ACTN3: variants seen among roughly 807,000 people sequenced by gnomAD.
ACTN3 encodes the protein alpha-actinin-3.
Under a neutral mutation model 119.6 loss-of-function variants are expected in ACTN3, and 91 were observed. That is an observed-to-expected ratio of 0.76 (90% confidence interval 0.64 to 0.91). ACTN3 has a LOEUF of 0.91. Ranked by LOEUF, ACTN3 falls within the 40% of genes least tolerant of loss-of-function variation. ACTN3 has a pLI of 0.00. For synonymous variants in ACTN3, 456 were observed against 478.8 expected (o/e 0.95, Z 0.62); for missense variants, 1,221 against 1,215.1 (o/e 1.00, Z -0.07).
chr11:66,561,608 G>T lies in ACTN3; in HGVS notation c.2146G>T (p.Asp716Tyr), dbSNP rs191891560. The T allele has an allele frequency of 1.2e-6, 2 of 1,612,634 alleles. No homozygotes were observed. Among genetic ancestry groups the T allele is most frequent in the South Asian group, 2.2e-5 (2 of 90,764 alleles). The change falls in exon 17 of 21, where the codon GAC becomes TAC. Residue 716 changes from aspartate (D) to tyrosine (Y), a missense_variant. Physicochemically the swap from Asp to Tyr is radical, Grantham distance 160 (BLOSUM62 -3). This residue lies in a region of ACTN3 where 934 missense variants were observed against 899.9 expected (regional missense o/e 1.04). Coordinates refer to ENST00000513398, the MANE Select transcript of ACTN3 (RefSeq NM_001104.4). ...HQLLQESLVF[D>Y]NKHTVYSMEH... ...GCTGCTGCAGGAGAGCCTGGTGTTC[G>T]ACAATAAGCACACCGTCTACAGCAT...
rs200842599 is a variant in ACTN3, at chr11:66,558,138, C to T, written c.1240C>T (p.Arg414Trp). Reference sequence around the variant, plus strand: ...ACTCCAGCACCTGGCTGAGAAGTTCCGGCAGAAGGCCTCCCTGCACGAAGC... The same window carrying T: ...ACTCCAGCACCTGGCTGAGAAGTTCTGGCAGAAGGCCTCCCTGCACGAAGC... Reference protein sequence around the residue: ...QRLQHLAEKFRQKASLHEAWT... With the variant: ...QRLQHLAEKFWQKASLHEAWT... The change falls in exon 11 of 21, where the codon CGG becomes TGG. Residue 414 changes from arginine to tryptophan, a missense_variant. Around this residue, in one of 3 missense-constraint regions of ACTN3, gnomAD observed 934 missense variants for 899.9 expected, o/e 1.04. Coordinates refer to ENST00000513398, the MANE Select transcript of ACTN3 (RefSeq NM_001104.4). The T allele has an allele frequency of 3.9e-4, 635 of 1,613,834 alleles. 9 individuals are homozygous for T. The Middle Eastern group carries it at 0.022, about 57-fold the overall frequency.
rs771684305 is a variant in ACTN3 at position 66,558,047 on chromosome 11, G to A, written c.1149G>A (p.Arg383=). 6.8e-6 allele frequency: 11 copies of A among 1,613,776 alleles called. No homozygotes were observed. In the Admixed American group the frequency reaches 1.3e-4, roughly 20 times the overall value. The change falls in exon 11 of 21, where the codon CGG becomes CGA. Residue 383 remains arginine, a synonymous_variant. Transcript: ENST00000513398. ...KLVSDIANAW[R]GLEQVEKGYE... ...CACAGGACATCGCCAACGCCTGGCG[G>A]GGGCTGGAGCAGGTGGAAAAGGGCT...
chr11:66,556,457 G>C (rs1253472311), intron 8 of ACTN3, among the ~76,000 whole-genome samples: 2 of 152,126 alleles, frequency 1.3e-5, no homozygotes, highest in African/African-American at 4.8e-5. Context: ...TCCATTCTTT[G>C]TTTGTTTTTT....
Position 66,563,131 on chromosome 11 carries a change from C to G in ACTN3, c.2644C>G (p.Pro882Ala). 6.2e-7 allele frequency: 1 copy of G among 1,613,342 alleles called. No individual in the cohort carries two copies. Among genetic ancestry groups the G allele is most frequent in the South Asian group, 1.1e-5 (1 of 91,056 alleles). The change falls in exon 21 of 21, where the codon CCG becomes GCG. Residue 882 changes from proline (P) to alanine (A), a missense_variant. By Grantham distance (27) the Pro-to-Ala change is conservative. This residue lies in a region of ACTN3 where 934 missense variants were observed against 899.9 expected (regional missense o/e 1.04). Transcript: ENST00000513398. ...RMVPYKGSGA[P>A]AGALDYVAFS... ...GGTGCCCTACAAGGGATCCGGGGCC[C>G]CGGCTGGAGCCCTGGACTACGTGGC...
chr11:66,560,477 C>G, intron 14 of ACTN3, 96 bp from the exon 15 acceptor site: 1 of 1,496,544 alleles, frequency 6.7e-7, no homozygotes, highest in Non-Finnish European at 9.0e-7. Flanking sequence ...CAGGACTGCC[C>G]AGGACTGGTG....
rs542555970 is a variant in ACTN3, at chr11:66,562,855, G to A, written c.2448G>A (p.Val816=). ...TMVDPNAAGV[V]TFQAFIDFMT... ...TGGACCCCAACGCAGCTGGGGTGGT[G>A]ACCTTCCAGGCCTTCATAGACTTCA... The change falls in exon 20 of 21, where the codon GTG becomes GTA. Residue 816 remains valine, a synonymous_variant. Transcript: ENST00000513398. 67 of 1,613,876 alleles carry A rather than the reference G, an allele frequency of 4.2e-5. 1 individual carries two copies. The South Asian group carries it at 7.0e-4, about 17-fold the overall frequency.
chr11:66,558,060 G>A lies in ACTN3; in HGVS notation c.1162G>A (p.Val388Met). The change falls in exon 11 of 21, where the codon GTG (valine) becomes ATG (methionine). Residue 388 changes from valine (V) to methionine (M), a missense_variant. Coordinates refer to ENST00000513398, the MANE Select transcript of ACTN3 (RefSeq NM_001104.4). ...IANAWRGLEQ[V>M]EKGYEDWLLS... ...CAACGCCTGGCGGGGGCTGGAGCAG[G>A]TGGAAAAGGGCTATGAGGACTGGCT... is the stretch of plus-strand genomic sequence containing the variant. 6 of 1,613,926 alleles carry A rather than the reference G, an allele frequency of 3.7e-6. No individual in the cohort carries two copies. Among genetic ancestry groups the A allele is most frequent in the Non-Finnish European group, 4.2e-6 (5 of 1,179,874 alleles).
intron 1 of ACTN3, among the ~76,000 whole-genome samples, chr11:66,548,066 T>C (rs1406076660): frequency 6.6e-6 from 1 of 152,146 alleles, no homozygotes; most frequent in Admixed American, 6.5e-5. Flanking sequence ...GTGCCAACAC[T>C]GTATGACTCC....
chr11:66,560,838 G>A lies in ACTN3; in HGVS notation c.1860+83G>A. 3.5e-6 allele frequency: 5 copies of A among 1,426,160 alleles called. No homozygotes were observed. The South Asian group carries it at 5.3e-5, about 15-fold the overall frequency. The allele number at this position is 1,426,160 out of a possible 1,614,324, so 88.3% of individuals were successfully genotyped here. ...AATCTCGGGTGGCCCAAGATATGGA[G>A]AATAAAGTCCATCTTCAGATGTGGG... On this transcript the variant is annotated intron_variant, in intron 15 of 20. Coordinates refer to ENST00000513398, the MANE Select transcript of ACTN3 (RefSeq NM_001104.4).
chr11:66,560,106 T>TGGGGGG, intron 13 of ACTN3, 30 bp downstream of exon 13: 1 of 465,708 alleles, frequency 2.1e-6, no homozygotes, highest in Non-Finnish European at 3.1e-6. Flanking sequence ...AGCTGGGGGG[T>TGGGGGG]GGGTAGGTGG....
intron 15 of ACTN3, 87 bp downstream of exon 15, chr11:66,560,842 A>G (rs1180073082): frequency 2.1e-6 from 3 of 1,412,112 alleles, no homozygotes; most frequent in Non-Finnish European, 2.9e-6. Flanking sequence ...TATGGAGAAT[A>G]AAGTCCATCT....
Position 66,550,022 on chromosome 11 carries a change from G to A in ACTN3, c.148-1217G>A, listed in dbSNP as rs140376150. ...CAGGGCATCTGGCAAGCTGGTCTGA[G>A]GAAGGAAAGGTGGCTGAGGGGAAGA... is the stretch of plus-strand genomic sequence containing the variant. On this transcript the variant is annotated intron_variant, in intron 1 of 20. Transcript: ENST00000513398. 9.5e-3 allele frequency among the ~76,000 whole-genome samples: 1,452 copies of A among 152,288 alleles called. 13 individuals carry two copies. Among genetic ancestry groups the A allele is most frequent in the Non-Finnish European group, 0.013 (909 of 68,020 alleles).
At chr11:66,562,194 G>T in intron 18 of ACTN3, 26 bp downstream of exon 18, 2 of 1,613,904 alleles carry the variant, frequency 1.2e-6, no homozygotes, top group Non-Finnish European at 1.7e-6. Flanking sequence ...GCCCTGTGGG[G>T]TAAGACACTT....
chr11:66,562,062 C>T lies in ACTN3; in HGVS notation c.2216C>T (p.Ala739Val), dbSNP rs1857786570. 1 of 1,613,288 alleles carries T rather than the reference C, an allele frequency of 6.2e-7. No homozygotes were observed. The highest frequency in any genetic ancestry group is 1.3e-5 in the African/African-American group (1 of 74,906). Residue 739 changes from alanine to valine, a missense_variant, in exon 18 of 21, where the codon GCC (alanine) becomes GTC (valine). Ala to Val is a moderately conservative substitution (Grantham distance 64, BLOSUM62 0). This residue lies in a region of ACTN3 where 934 missense variants were observed against 899.9 expected (regional missense o/e 1.04). Coordinates refer to ENST00000513398, the MANE Select transcript of ACTN3 (RefSeq NM_001104.4). ...TGGGAGCAGCTGCTCACCTCCATTG[C>T]CCGCACCATCAATGAAGTGGAGAAC... ...VGWEQLLTSI[A>V]RTINEVENQV...
chr11:66,555,775 GAGA>G (rs1334790077), intron 7 of ACTN3, among the ~76,000 whole-genome samples: 1 of 152,206 alleles, frequency 6.6e-6, no homozygotes, highest in African/African-American at 2.4e-5. Context: ...GGCACTGCTG[GAGA>G]AGAACTTTTT....
In ACTN3 at chr11:66,559,338, C is replaced by T. The variant is rs1293466743; in HGVS notation, c.1379C>T (p.Ala460Val). The T allele has an allele frequency of 3.2e-6, 5 of 1,569,712 alleles. No homozygotes were observed. In the African/African-American group the frequency reaches 5.6e-5, roughly 18 times the overall value. ...GAGGCCTTTGAGAGCGACCTGGCGGCGCACCAGGACCGCGTGGAGCACATT... is the reference window on the plus strand; with the variant it reads ...GAGGCCTTTGAGAGCGACCTGGCGGTGCACCAGGACCGCGTGGAGCACATT... Reference protein sequence around the residue: ...RHEAFESDLAAHQDRVEHIAA... With the variant: ...RHEAFESDLAVHQDRVEHIAA... The change falls in exon 12 of 21, where the codon GCG (alanine) becomes GTG (valine). Residue 460 changes from alanine (A) to valine (V), a missense_variant. Ala to Val is a moderately conservative substitution (Grantham distance 64). Around this residue, in one of 3 missense-constraint regions of ACTN3, gnomAD observed 934 missense variants for 899.9 expected, o/e 1.04. Coordinates refer to ENST00000513398, the MANE Select transcript of ACTN3 (RefSeq NM_001104.4).
chr11:66,550,277 C>A (rs1003135473), intron 1 of ACTN3, among the ~76,000 whole-genome samples: 1 of 152,166 alleles, frequency 6.6e-6, no homozygotes, highest in African/African-American at 2.4e-5. Context: ...CCTGACTCTA[C>A]CAAGTAGTCT....
At chr11:66,552,880 T>TCACA (rs4013815) in intron 3 of ACTN3, among the ~76,000 whole-genome samples, 34 of 114,806 alleles carry the variant, frequency 3.0e-4, no homozygotes, top group East Asian at 8.1e-4. Flanking sequence ...TCTCTCTCTC[T>TCACA]CACACACACA....
At chr11:66,550,326 T>C (rs1395620316) in intron 1 of ACTN3, among the ~76,000 whole-genome samples, 1 of 152,208 alleles carries the variant, frequency 6.6e-6, no homozygotes, top group African/African-American at 2.4e-5. Context: ...GGCGGTAGGT[T>C]GGCAGAAACT....
Sources: gnomAD v4.1 joint callset for allele counts (sites outside exome capture counted in the v4.1 genomes callset) on GRCh38, gnomAD v4.1.1 for gene constraint, gnomAD v4.1.1 regional missense constraint, MANE v1.5 for transcripts, NCBI Gene and HGNC (gene_info 2026-07-23, HGNC 2026-07-21) for gene names.